Variants in SLC6A15 observed in about 807,000 individuals in gnomAD.
The protein encoded by SLC6A15 is sodium-dependent neutral amino acid transporter B(0)AT2.
A neutral mutation model predicts 68.5 loss-of-function variants in SLC6A15; 33 were observed. That is an observed-to-expected ratio of 0.48 (90% confidence interval 0.37 to 0.64). The LOEUF is 0.64. SLC6A15 is among the 30% of genes least tolerant of loss of function. The pLI is 0.00. For missense variants in SLC6A15, 747 were observed against 874.3 expected, an observed-to-expected ratio of 0.85 and a Z score of 1.84; for synonymous variants, 347 against 301.0, an observed-to-expected ratio of 1.15 and a Z score of -1.58.
intron 2 of SLC6A15, among the ~76,000 whole-genome samples, chr12:84,888,291 CA>C (rs139560769): frequency 7.0e-6 from 1 of 142,216 alleles, no homozygotes; most frequent in Non-Finnish European, 1.5e-5. Context: ...AAAACAAAAA[CA>C]AAAAAAAGAC....
At chr12:84,898,357 C>T (rs185446436) in intron 1 of SLC6A15, among the ~76,000 whole-genome samples, 16 of 152,052 alleles carry the variant, frequency 1.1e-4, no homozygotes, top group African/African-American at 3.9e-4. Flanking sequence ...AACAAACAAA[C>T]AAAAAACAAC....
intron 1 of SLC6A15, among the ~76,000 whole-genome samples, chr12:84,903,549 C>A (rs1330061973): frequency 6.6e-6 from 1 of 152,018 alleles, no homozygotes; most frequent in African/African-American, 2.4e-5. Context: ...CAAGGCGTTA[C>A]CAGGGTGGTA....
At position 84,880,191 on chromosome 12, in the gene SLC6A15, C is replaced by T. The variant is rs564341062; in HGVS notation, c.757-3584G>A. Among the ~76,000 whole-genome samples, 57 of 152,096 alleles carry T rather than the reference C, an allele frequency of 3.7e-4. 1 individual carries two copies. The South Asian group carries it at 0.011, about 31-fold the overall frequency. On this transcript the variant is annotated intron_variant, in intron 5 of 11. Coordinates refer to ENST00000266682, the MANE Select transcript of SLC6A15 (RefSeq NM_182767.6). ...AGAAGGCAACACATCAATTTTATTC[C>T]TCTGTGAGCAGGTAAGAGGACAAAA...
intron 1 of SLC6A15, among the ~76,000 whole-genome samples, chr12:84,899,761 A>C (rs986631518): frequency 3.9e-5 from 6 of 152,110 alleles, no homozygotes; most frequent in Admixed American, 2.0e-4. Context: ...ATTTGAACTT[A>C]TATTTACCTC....
At chr12:84,904,429 T>C (rs561565120) in intron 1 of SLC6A15, among the ~76,000 whole-genome samples, 81 of 152,310 alleles carry the variant, frequency 5.3e-4, no homozygotes, top group African/African-American at 1.8e-3. Context: ...TAAGACACTA[T>C]GTTGTAGAAT....
intron 9 of SLC6A15, among the ~76,000 whole-genome samples, chr12:84,870,168 C>G (rs1871225074): frequency 6.6e-6 from 1 of 150,822 alleles, no homozygotes; most frequent in Non-Finnish European, 1.5e-5. Context: ...CACAAACAGT[C>G]CATGACTTTA....
intron 5 of SLC6A15, chr12:84,883,360 A>G: frequency 1.0e-6 from 1 of 993,518 alleles, no homozygotes; most frequent in Non-Finnish European, 1.2e-6. Context: ...ATTATTATTA[A>G]CTACTTAATG....
chr12:84,900,341 G>A (rs1226696269), intron 1 of SLC6A15, among the ~76,000 whole-genome samples: 1 of 151,946 alleles, frequency 6.6e-6, no homozygotes. Context: ...GCTAAATCAA[G>A]TTTTGCATCT....
In SLC6A15 at chr12:84,886,908, A is replaced by G. The variant is rs565304055; in HGVS notation, c.290-840T>C. On this transcript the variant is annotated intron_variant, in intron 2 of 11. Coordinates refer to ENST00000266682, the MANE Select transcript of SLC6A15 (RefSeq NM_182767.6). The stretch of plus-strand genomic sequence containing the variant: ...ACAAGATTCTATTAACTGAATTATA[A>G]AAAGATGAATGTGAAACCTTTACTC... Among the ~76,000 whole-genome samples, 40 of 152,302 alleles carry G rather than the reference A, an allele frequency of 2.6e-4. No individual in the cohort carries two copies. The South Asian group carries it at 8.3e-3, about 32-fold the overall frequency.
chr12:84,902,211 T>C (rs1435137767), intron 1 of SLC6A15, among the ~76,000 whole-genome samples: 2 of 151,906 alleles, frequency 1.3e-5, no homozygotes, highest in Non-Finnish European at 2.9e-5. Context: ...ACAGAGCCAA[T>C]CAAAAGGAAG....
At chr12:84,879,322 T>C (rs1871710649) in intron 5 of SLC6A15, among the ~76,000 whole-genome samples, 1 of 121,626 alleles carries the variant, frequency 8.2e-6, no homozygotes, top group South Asian at 2.4e-4. Context: ...CTCTACACTA[T>C]CACACACTTT....
chr12:84,878,928 C>T (rs80016313), intron 5 of SLC6A15, among the ~76,000 whole-genome samples: 6,210 of 151,932 alleles, frequency 0.041, 431 homozygotes, highest in African/African-American at 0.14. Context: ...TAGCTTTCCT[C>T]TGCATCCCAG....
In SLC6A15 at chr12:84,879,426, A is replaced by T. The variant is rs761631191; in HGVS notation, c.757-2819T>A. ...CTGCAACCACTGCTTCCCGGGTTCAAGTGATTATTTTGCCTCAGCCTCCCG... is the reference window on the plus strand; with the variant it reads ...CTGCAACCACTGCTTCCCGGGTTCATGTGATTATTTTGCCTCAGCCTCCCG... On this transcript the variant is annotated intron_variant, in intron 5 of 11. Coordinates refer to ENST00000266682, the MANE Select transcript of SLC6A15 (RefSeq NM_182767.6). Among the ~76,000 whole-genome samples, 4 of 151,602 alleles carry T rather than the reference A, an allele frequency of 2.6e-5. 1 individual carries two copies. Among genetic ancestry groups the T allele is most frequent in the Non-Finnish European group, 4.4e-5 (3 of 67,754 alleles).
At position 84,882,250 on chromosome 12, in the gene SLC6A15, T is replaced by C. The variant is rs1871852959; in HGVS notation, c.756+1609A>G. On this transcript the variant is annotated intron_variant, in intron 5 of 11. Coordinates refer to ENST00000266682, the MANE Select transcript of SLC6A15 (RefSeq NM_182767.6). ...TATGTTAGGAATCATATAAATATGG[T>C]TAGGTCTTATTTAAGAATCCACTCC... 1.5e-5 allele frequency: 15 copies of C among 985,182 alleles called. No individual in the cohort carries two copies. In the South Asian group the frequency reaches 4.2e-4, roughly 28 times the overall value. 61.0% of individuals were successfully genotyped at this position (985,182 alleles called of 1,614,324 possible).
rs1870847659 is a variant in SLC6A15, at chr12:84,861,549, A to G, written c.*83T>C. 2.7e-6 allele frequency: 4 copies of G among 1,468,852 alleles called. No homozygotes were observed. The African/African-American group carries it at 5.7e-5, about 21-fold the overall frequency. 91.0% of individuals were successfully genotyped at this position (1,468,852 alleles called of 1,614,324 possible). A position where few individuals can be genotyped will look rare whatever the true frequency, so the allele number is the denominator to read the frequency against. On this transcript the variant is annotated 3_prime_UTR_variant, in exon 12 of 12. Transcript: ENST00000266682. The stretch of plus-strand genomic sequence containing the variant: ...GAACACCTGAGATTGCCCTCTGATA[A>G]GTGAAGCCTAATGCTTCTCCTACTA...
intron 6 of SLC6A15, among the ~76,000 whole-genome samples, chr12:84,874,005 T>C (rs923335003): frequency 1.3e-5 from 2 of 152,244 alleles, no homozygotes; most frequent in East Asian, 1.9e-4. Context: ...ATTATCACTG[T>C]ATATAATCAA....
At chr12:84,880,436 C>T (rs7960244) in intron 5 of SLC6A15, among the ~76,000 whole-genome samples, 6,190 of 152,194 alleles carry the variant, frequency 0.041, 405 homozygotes, top group African/African-American at 0.14. Flanking sequence ...CCATGCGTTA[C>T]GTCTTATAAC....
intron 2 of SLC6A15, among the ~76,000 whole-genome samples, 188 bp downstream of exon 2, chr12:84,891,644 C>T (rs919464011): frequency 2.6e-5 from 4 of 152,160 alleles, no homozygotes; most frequent in Admixed American, 6.5e-5. Context: ...ACAGCAAGCC[C>T]ATCTGCTCCT....
chr12:84,904,121 T>A (rs1260005052), intron 1 of SLC6A15, among the ~76,000 whole-genome samples: 1 of 151,514 alleles, frequency 6.6e-6, no homozygotes, highest in Admixed American at 6.6e-5. Flanking sequence ...CTGCTTTCCC[T>A]CTTTTGGAAG....
Sources: allele counts gnomAD v4.1 joint callset (sites outside exome capture counted in the v4.1 genomes callset), GRCh38; gene constraint gnomAD v4.1.1; transcripts MANE v1.5; gene names NCBI Gene and HGNC (gene_info 2026-07-23, HGNC 2026-07-21).